The following CCDC90B variants were observed in gnomAD, a reference collection of about 807,000 sequenced individuals.
The protein encoded by CCDC90B is coiled-coil domain-containing protein 90B, mitochondrial.
In CCDC90B, 24 loss-of-function variants were observed where a neutral mutation model predicts 37.0. That is an observed-to-expected ratio of 0.65 (90% CI 0.47 to 0.91). CCDC90B has a LOEUF of 0.91. CCDC90B is among the 40% of genes least tolerant of loss of function. The pLI is 0.00. For synonymous variants in CCDC90B, 113 were observed against 101.1 expected, an observed-to-expected ratio of 1.12 and a Z score of -0.71; for missense variants, 319 against 299.0, an observed-to-expected ratio of 1.07 and a Z score of -0.49.
chr11:83,264,355 TATAAG>T (rs1465983814), intron 8 of CCDC90B, among the ~76,000 whole-genome samples: 8 of 149,190 alleles, frequency 5.4e-5, no homozygotes, highest in Non-Finnish European at 1.2e-4. Context: ...TTAAGAAGTA[TATAAG>T]ATGTTTATAT....
At chr11:83,280,403 T>C in intron 1 of CCDC90B, 143 bp from the exon 2 acceptor site, 1 of 650,718 alleles carries the variant, frequency 1.5e-6, no homozygotes, top group Non-Finnish European at 2.6e-6. Context: ...AATTGACTCC[T>C]CTGAGCCTCT....
intron 5 of CCDC90B, 31 bp downstream of exon 5, chr11:83,273,920 A>T: frequency 6.3e-7 from 1 of 1,588,364 alleles, no homozygotes; most frequent in Non-Finnish European, 8.5e-7. Flanking sequence ...ATTTGTTCTG[A>T]AATTAACAGC....
rs1339287578 is a variant in CCDC90B at position 83,273,691 on chromosome 11, G to C, written c.550C>G (p.Gln184Glu). ...RSRVTDMFTD[Q>E]EKQLMETTTE... ...GTTGTTTCCATAAGTTGCTTTTCTTGATCTGTAAACTATAGGATATGAAGC... is the reference window on the plus strand; with the variant it reads ...GTTGTTTCCATAAGTTGCTTTTCTTCATCTGTAAACTATAGGATATGAAGC... The change falls in exon 7 of 9, where the codon CAA becomes GAA. Residue 184 changes from glutamine (Q) to glutamate (E), a missense_variant. By Grantham distance (29) the Gln-to-Glu change is conservative. Transcript: ENST00000529689. 1.2e-6 allele frequency: 2 copies of C among 1,601,352 alleles called. No homozygotes were observed. Among genetic ancestry groups the C allele is most frequent in the African/African-American group, 2.7e-5 (2 of 73,790 alleles).
At position 83,259,982 on chromosome 11, in the gene CCDC90B, T is replaced by A. The variant is rs1863854758; in HGVS notation, c.*1929A>T. The A allele has an allele frequency of 6.6e-6, 1 of 152,226 alleles. No homozygotes were observed. The highest frequency in any genetic ancestry group is 6.5e-5 in the Admixed American group (1 of 15,282). 9.4% of individuals were successfully genotyped at this position (152,226 alleles called of 1,614,324 possible). A position where few individuals can be genotyped will look rare whatever the true frequency, so the allele number is the denominator to read the frequency against. On this transcript the variant is annotated 3_prime_UTR_variant, in exon 9 of 9. Coordinates refer to ENST00000529689, the MANE Select transcript of CCDC90B (RefSeq NM_021825.5). ...TCCCATAGAAGCAGAACAGAATGAA[T>A]GTCTCTTCAGATGGGCTGGTCCCAA...
chr11:83,274,765 T>C (rs772663208), intron 3 of CCDC90B, 25 bp from the exon 4 acceptor site: 2 of 1,368,890 alleles, frequency 1.5e-6, no homozygotes, highest in Non-Finnish European at 2.1e-6. Context: ...AAAAATAACC[T>C]AGTGATCTAT....
At chr11:83,285,075 G>A in intron 1 of CCDC90B, 3 of 1,052,782 alleles carry the variant, frequency 2.8e-6, no homozygotes, top group Non-Finnish European at 3.6e-6. Context: ...GTAACAATAT[G>A]GAGTATAAAT....
chr11:83,274,749 CA>C lies in CCDC90B; in HGVS notation c.325-10del. On this transcript the variant is annotated splice_polypyrimidine_tract_variant and intron_variant, in intron 3 of 8. Transcript: ENST00000529689. Reference sequence around the variant, plus strand: ...TGTTGTACTGTTATTTCCTAGAAAACAAAATAAAAATAACCTAGTGATCTAT... The same window carrying C: ...TGTTGTACTGTTATTTCCTAGAAAACAAATAAAAATAACCTAGTGATCTAT... The C allele has an allele frequency of 6.4e-7, 1 of 1,556,216 alleles. No homozygotes were observed. Among genetic ancestry groups the C allele is most frequent in the Non-Finnish European group, 8.8e-7 (1 of 1,133,584 alleles).
intron 3 of CCDC90B, among the ~76,000 whole-genome samples, chr11:83,276,549 C>T (rs544567769): frequency 4.6e-5 from 7 of 152,262 alleles, no homozygotes; most frequent in African/African-American, 1.7e-4. Flanking sequence ...AGGGTTTTGC[C>T]ACGTTGGCCA....
rs151246115 is a variant in CCDC90B at position 83,265,917 on chromosome 11, G to A, written c.657C>T (p.Ser219=). 1,535 of 1,612,388 alleles carry A rather than the reference G, an allele frequency of 9.5e-4. 1 individual carries two copies. Among genetic ancestry groups the A allele is most frequent in the Non-Finnish European group, 1.2e-3 (1,404 of 1,179,286 alleles). The stretch of plus-strand genomic sequence containing the variant: ...TGTTAGATTCCATCAGTGTTTTTAA[G>A]GAAGCAATTTCAGCGTCAATTTTAT... ...TSNKIDAEIA[S]LKTLMESNKL... Residue 219 remains serine (S), a synonymous_variant, in exon 8 of 9, where the codon TCC becomes TCT. Transcript: ENST00000529689.
At chr11:83,274,960 T>C (rs1215562522) in intron 3 of CCDC90B, among the ~76,000 whole-genome samples, 2 of 152,144 alleles carry the variant, frequency 1.3e-5, no homozygotes, top group Non-Finnish European at 1.5e-5. Flanking sequence ...GATAAATTTG[T>C]AGGCCTTTGA....
chr11:83,262,029 G>A, intron 8 of CCDC90B, 63 bp from the exon 9 acceptor site: 2 of 1,141,876 alleles, frequency 1.8e-6, no homozygotes, highest in Non-Finnish European at 2.5e-6. Flanking sequence ...GAGATAAAGA[G>A]AATAATGTTA....
chr11:83,283,588 C>T (rs1865516818), intron 1 of CCDC90B, among the ~76,000 whole-genome samples: 1 of 152,198 alleles, frequency 6.6e-6, no homozygotes, highest in Non-Finnish European at 1.5e-5. Context: ...CTGGAAAAAC[C>T]ATTGGATATT....
rs751522417 is a variant in CCDC90B at position 83,284,134 on chromosome 11, TTAC to T, written c.100+1736_100+1738del. On this transcript the variant is annotated intron_variant, in intron 1 of 8. Coordinates refer to ENST00000529689, the MANE Select transcript of CCDC90B (RefSeq NM_021825.5). ...AAACCCCAAACCTTTCCTTTCATTG[TTAC>T]TACTTTTGTTTCTTTGATACCTATC... Among the ~76,000 whole-genome samples the T allele has an allele frequency of 5.3e-5, 8 of 152,328 alleles. No individual in the cohort carries two copies. In the East Asian group the frequency reaches 1.5e-3, roughly 29 times the overall value.
intron 7 of CCDC90B, among the ~76,000 whole-genome samples, chr11:83,271,840 C>A (rs1422282583): frequency 6.6e-6 from 1 of 152,164 alleles, no homozygotes; most frequent in Non-Finnish European, 1.5e-5. Context: ...GCACTATTCA[C>A]AATAGCAAAG....
intron 7 of CCDC90B, among the ~76,000 whole-genome samples, chr11:83,270,249 C>T (rs1050190985): frequency 3.9e-5 from 6 of 152,190 alleles, no homozygotes; most frequent in Non-Finnish European, 7.3e-5. Flanking sequence ...CGGCACAAGA[C>T]GAGGATGCCC....
chr11:83,269,104 C>T (rs950422284), intron 7 of CCDC90B, among the ~76,000 whole-genome samples: 1 of 152,158 alleles, frequency 6.6e-6, no homozygotes, highest in Non-Finnish European at 1.5e-5. Context: ...CTCTGAGACA[C>T]ATTTAAAACA....
At chr11:83,269,935 C>T (rs1052074081) in intron 7 of CCDC90B, among the ~76,000 whole-genome samples, 1 of 152,308 alleles carries the variant, frequency 6.6e-6, no homozygotes, top group African/African-American at 2.4e-5. Context: ...AATCCAGCAG[C>T]ACATCAAAAA....
At chr11:83,285,772 C>A in intron 1 of CCDC90B, 101 bp downstream of exon 1, 1 of 1,487,848 alleles carries the variant, frequency 6.7e-7, no homozygotes, top group Non-Finnish European at 8.9e-7. Flanking sequence ...GGGAGGAGGG[C>A]GTGGCACCTT....
Position 83,278,792 on chromosome 11 carries a change from C to T in CCDC90B, c.258G>A (p.Ala86=), listed in dbSNP as rs148847806. The change falls in exon 3 of 9, where the codon GCG becomes GCA. Residue 86 remains alanine, a synonymous_variant. Transcript: ENST00000529689. ...GGCTGACATTTGATAAAGCAGTTAA[C>T]GCTGATACAATTGTTTCTGCTTGTG... ...DKTQAETIVS[A]LTALSNVSLD... 1.1e-5 allele frequency: 17 copies of T among 1,613,404 alleles called. No individual in the cohort carries two copies. The highest frequency in any genetic ancestry group is 8.0e-5 in the African/African-American group (6 of 74,874).
Sources: gnomAD v4.1 joint callset for allele counts (sites outside exome capture counted in the v4.1 genomes callset) on GRCh38, gnomAD v4.1.1 for gene constraint, MANE v1.5 for transcripts, NCBI Gene and HGNC (gene_info 2026-07-23, HGNC 2026-07-21) for gene names.